The following COL15A1 variants were observed in gnomAD, a reference collection of about 807,000 sequenced individuals.
COL15A1 encodes the protein collagen type XV alpha 1 chain.
Under a neutral mutation model 165.9 loss-of-function variants are expected in COL15A1, and 111 were observed. The ratio of observed to expected loss-of-function variants is 0.67; its 90% CI spans 0.57 to 0.78. The LOEUF (loss-of-function observed/expected upper bound fraction) is 0.78, where lower values mean the gene tolerates loss of function less well. Ranked by LOEUF, COL15A1 falls within the 30% of genes least tolerant of loss-of-function variation. COL15A1 has a pLI of 0.00. For synonymous variants in COL15A1, 659 were observed against 674.8 expected (o/e 0.98, Z 0.36); for missense variants, 1,745 against 1,789.7 (o/e 0.98, Z 0.45).
At chr9:98,956,861 C>T (rs140059125) in intron 2 of COL15A1, among the ~76,000 whole-genome samples, 1 of 152,250 alleles carries the variant, frequency 6.6e-6, no homozygotes, top group African/African-American at 2.4e-5. Context: ...CTGAGGATAG[C>T]ATTTTAACAA....
At chr9:98,989,502 G>T (rs188921179) in intron 5 of COL15A1, among the ~76,000 whole-genome samples, 86 of 152,340 alleles carry the variant, frequency 5.6e-4, no homozygotes, top group African/African-American at 2.0e-3. Flanking sequence ...GCTGTCAAGG[G>T]CAAACGCTGT....
chr9:99,015,338 T>C, intron 9 of COL15A1, 79 bp from the exon 10 acceptor site: 1 of 954,964 alleles, frequency 1.0e-6, no homozygotes, highest in Non-Finnish European at 1.7e-6. Context: ...CTTTAGCGCT[T>C]TCCACCCCCC....
At chr9:99,012,184 A>G (rs1838856920) in intron 9 of COL15A1, among the ~76,000 whole-genome samples, 2 of 152,258 alleles carry the variant, frequency 1.3e-5, no homozygotes, top group Non-Finnish European at 2.9e-5. Context: ...CTAGCTTATT[A>G]AAGACTTAAG....
chr9:98,948,835 A>G (rs907323720), intron 2 of COL15A1, among the ~76,000 whole-genome samples: 1 of 152,182 alleles, frequency 6.6e-6, no homozygotes, highest in Non-Finnish European at 1.5e-5. Flanking sequence ...ATTGCAAATT[A>G]TTTGCTTATG....
At position 98,989,256 on chromosome 9, in the gene COL15A1, T is replaced by A; in HGVS notation, c.802T>A (p.Ser268Thr). Residue 268 changes from serine to threonine, a missense_variant and splice_region_variant, in exon 5 of 42, where the codon TCG becomes ACG. By Grantham distance (58) the Ser-to-Thr change is moderately conservative. Transcript: ENST00000375001. Reference protein sequence around the residue: ...ILEAVTYTQASPKEAKVEPIN... With the variant: ...ILEAVTYTQATPKEAKVEPIN... ...AGAAGCCGTCACCTACACTCAAGCCTCGGTGAGTACTGGGATGCTGTGCCA... is the reference window on the plus strand; with the variant it reads ...AGAAGCCGTCACCTACACTCAAGCCACGGTGAGTACTGGGATGCTGTGCCA... The A allele has an allele frequency of 6.2e-7, 1 of 1,612,404 alleles. No homozygotes were observed. Among genetic ancestry groups the A allele is most frequent in the Non-Finnish European group, 8.5e-7 (1 of 1,178,466 alleles).
At chr9:99,020,705 A>G (rs1441259617) in intron 12 of COL15A1, among the ~76,000 whole-genome samples, 1 of 152,190 alleles carries the variant, frequency 6.6e-6, no homozygotes. Context: ...TCGAGTATCA[A>G]AGGGTCCTAT....
At chr9:99,027,671 A>G (rs1483729178) in intron 16 of COL15A1, among the ~76,000 whole-genome samples, 3 of 152,156 alleles carry the variant, frequency 2.0e-5, no homozygotes, top group African/African-American at 7.2e-5. Context: ...CAGTGCAAGG[A>G]GCAGCAGGCT....
At chr9:98,982,244 G>A (rs1056679914) in intron 2 of COL15A1, among the ~76,000 whole-genome samples, 3 of 152,070 alleles carry the variant, frequency 2.0e-5, no homozygotes, top group African/African-American at 2.4e-5. Context: ...TCAGCCTCCC[G>A]AATAGCTGGG....
chr9:99,057,982 G>C (rs894783783), intron 35 of COL15A1, among the ~76,000 whole-genome samples: 1 of 152,126 alleles, frequency 6.6e-6, no homozygotes, highest in African/African-American at 2.4e-5. Context: ...AGGAGGGAGT[G>C]AACAGTCAAC....
At chr9:98,987,250 G>A (rs767339550) in intron 3 of COL15A1, 44 bp from the exon 4 acceptor site, 17 of 1,571,122 alleles carry the variant, frequency 1.1e-5, no homozygotes, top group Non-Finnish European at 1.4e-5. Context: ...CAGTCATGCT[G>A]TGTACGTGCA....
At position 99,040,564 on chromosome 9, in the gene COL15A1, C is replaced by T. The variant is rs771028756; in HGVS notation, c.2511+8C>T. ...GGGCTGCCAGGATTTCCAGTAAGTA[C>T]CACCCTCGCTGTCTTCTATCTGTGC... On this transcript the variant is annotated splice_region_variant and intron_variant, in intron 23 of 41. Transcript: ENST00000375001. The T allele has an allele frequency of 4.3e-6, 7 of 1,614,054 alleles. No individual in the cohort carries two copies. In the African/African-American group the frequency reaches 9.3e-5, roughly 22 times the overall value.
chr9:99,053,212 A>G (rs1588535373), intron 31 of COL15A1, among the ~76,000 whole-genome samples: 1 of 152,260 alleles, frequency 6.6e-6, no homozygotes. Context: ...TAAATAGAGG[A>G]AGGTCTTTTT....
At chr9:98,973,765 GT>G (rs1838099498) in intron 2 of COL15A1, among the ~76,000 whole-genome samples, 1 of 152,236 alleles carries the variant, frequency 6.6e-6, no homozygotes. Flanking sequence ...CCCGGCCCCT[GT>G]TGGAGTCATT....
At chr9:99,052,129 G>A (rs1479425496) in intron 30 of COL15A1, among the ~76,000 whole-genome samples, 1 of 152,194 alleles carries the variant, frequency 6.6e-6, no homozygotes, top group Non-Finnish European at 1.5e-5. Flanking sequence ...CTTCCTTATG[G>A]CTGAGTTTTT....
At chr9:98,993,320 C>T (rs370256845) in intron 5 of COL15A1, among the ~76,000 whole-genome samples, 3 of 152,206 alleles carry the variant, frequency 2.0e-5, no homozygotes, top group East Asian at 1.9e-4. Flanking sequence ...GACTCAGCAC[C>T]GGGCATAGTA....
Position 98,989,222 on chromosome 9 carries a change from T to C in COL15A1, c.768T>C (p.Ala256=). Reference sequence around the variant, plus strand: ...GGCTGCAGGAGGCAGACGGAGTAGCTGAGATCTTAGAAGCCGTCACCTACA... The same window carrying C: ...GGCTGCAGGAGGCAGACGGAGTAGCCGAGATCTTAGAAGCCGTCACCTACA... The part of the protein sequence containing the change: ...TSGLQEADGV[A]EILEAVTYTQ... Residue 256 remains alanine, a synonymous_variant, in exon 5 of 42, where the codon GCT becomes GCC. Coordinates refer to ENST00000375001, the MANE Select transcript of COL15A1 (RefSeq NM_001855.5). The C allele has an allele frequency of 6.2e-7, 1 of 1,614,086 alleles. No homozygotes were observed. Among genetic ancestry groups the C allele is most frequent in the South Asian group, 1.1e-5 (1 of 91,080 alleles).
intron 2 of COL15A1, among the ~76,000 whole-genome samples, chr9:98,944,968 G>C (rs1182915263): frequency 1.3e-5 from 2 of 152,234 alleles, no homozygotes; most frequent in Non-Finnish European, 2.9e-5. Context: ...GGCTGGCTGA[G>C]TGATCTTGGG....
intron 2 of COL15A1, among the ~76,000 whole-genome samples, chr9:98,973,232 G>A (rs918670119): frequency 6.6e-6 from 1 of 152,122 alleles, no homozygotes; most frequent in African/African-American, 2.4e-5. Context: ...GAGAACAAGA[G>A]AGCAAGAGAG....
At chr9:98,972,083 G>C (rs1008607111) in intron 2 of COL15A1, among the ~76,000 whole-genome samples, 1 of 152,162 alleles carries the variant, frequency 6.6e-6, no homozygotes. Flanking sequence ...GTGCGAAGTA[G>C]GGTTCTCACT....
Sources: allele counts gnomAD v4.1 joint callset (sites outside exome capture counted in the v4.1 genomes callset), GRCh38; gene constraint gnomAD v4.1.1; transcripts MANE v1.5; gene names NCBI Gene and HGNC (gene_info 2026-07-23, HGNC 2026-07-21).